Variants in GLP2R observed in about 807,000 individuals in gnomAD.
The protein encoded by GLP2R is glucagon like peptide 2 receptor.
GLP2R carries 59 observed loss-of-function variants against 68.2 expected under a neutral mutation model. That is an observed-to-expected ratio of 0.87 (90% CI 0.70 to 1.07). The LOEUF (loss-of-function observed/expected upper bound fraction) is 1.07. Ranked by LOEUF, GLP2R falls within the 50% of genes least tolerant of loss-of-function variation. GLP2R has a pLI of 0.00. For synonymous variants in GLP2R, 270 were observed against 265.4 expected (o/e 1.02, Z -0.17); for missense variants, 548 against 677.4 (o/e 0.81, Z 2.12).
rs1346393219 is a variant in GLP2R, at chr17:9,826,174, C to T, written c.111C>T (p.Leu37=). 6.2e-7 allele frequency: 1 copy of T among 1,613,366 alleles called. No individual in the cohort carries two copies. Among genetic ancestry groups the T allele is most frequent in the African/African-American group, 1.3e-5 (1 of 75,044 alleles). ...CTGCCCCCTGGGGGACCAGTCCTCTCTCCTTCCACAGGAAGTGCTCTCTCT... is the reference window on the plus strand; with the variant it reads ...CTGCCCCCTGGGGGACCAGTCCTCTTTCCTTCCACAGGAAGTGCTCTCTCT... The part of the protein sequence containing the change: ...GIPAPWGTSP[L]SFHRKCSLWA... The change falls in exon 1 of 13, where the codon CTC becomes CTT. Residue 37 remains leucine, a synonymous_variant. Transcript: ENST00000262441.
At chr17:9,844,836 G>T (rs1364612952) in intron 4 of GLP2R, among the ~76,000 whole-genome samples, 2 of 151,240 alleles carry the variant, frequency 1.3e-5, no homozygotes, top group Non-Finnish European at 2.9e-5. Context: ...GACTACAGGT[G>T]CGTGCCACCA....
In GLP2R at chr17:9,860,055, G is replaced by A; in HGVS notation, c.879G>A (p.Val293=). Residue 293 remains valine, a synonymous_variant, in exon 7 of 13, where the codon GTG becomes GTA. Transcript: ENST00000262441. ...TCCACACGCTGCTGGAGCCCACAGTGCTTCCTGAGAGGCGGCTGTGGCCCA... is the reference window on the plus strand; with the variant it reads ...TCCACACGCTGCTGGAGCCCACAGTACTTCCTGAGAGGCGGCTGTGGCCCA... ...LYLHTLLEPT[V]LPERRLWPRY... 1 of 1,612,954 alleles carries A rather than the reference G, an allele frequency of 6.2e-7. No individual in the cohort carries two copies. The highest frequency in any genetic ancestry group is 8.5e-7 in the Non-Finnish European group (1 of 1,179,472).
At chr17:9,851,764 TA>T (rs775014449) in intron 4 of GLP2R, among the ~76,000 whole-genome samples, 2 of 152,116 alleles carry the variant, frequency 1.3e-5, no homozygotes, top group Non-Finnish European at 2.9e-5. Flanking sequence ...ATAGTACATA[TA>T]AAGGTAAATT....
rs962118855 is a variant in GLP2R, at chr17:9,857,659, A to G, written c.765+83A>G. The G allele has an allele frequency of 3.0e-6, 4 of 1,330,692 alleles. No homozygotes were observed. In the East Asian group the frequency reaches 9.2e-5, roughly 31 times the overall value. The allele number at this position is 1,330,692 out of a possible 1,614,324, so 82.4% of individuals were successfully genotyped here. A position where few individuals can be genotyped will look rare whatever the true frequency, so the allele number is the denominator to read the frequency against. On this transcript the variant is annotated intron_variant, in intron 6 of 12. Coordinates refer to ENST00000262441, the MANE Select transcript of GLP2R (RefSeq NM_004246.3). ...AATCAGAAGGCAGGCAGGTGGGACT[A>G]GGGAGGGGCAGCGGGAGATAAGAGG...
intron 4 of GLP2R, among the ~76,000 whole-genome samples, chr17:9,845,850 G>GT (rs1433127867): frequency 6.6e-6 from 1 of 151,810 alleles, no homozygotes; most frequent in African/African-American, 2.4e-5. Flanking sequence ...ATTTCATATA[G>GT]TTTTTTATTC....
chr17:9,829,187 CCCACACTCGTTT>C lies in GLP2R; in HGVS notation c.189+2936_189+2947del, dbSNP rs567649916. Among the ~76,000 whole-genome samples the C allele has an allele frequency of 3.5e-3, 533 of 152,230 alleles. 5 individuals are homozygous for C. The highest frequency in any genetic ancestry group is 0.012 in the African/African-American group (498 of 41,536). On this transcript the variant is annotated intron_variant, in intron 1 of 12. Transcript: ENST00000262441. Reference sequence around the variant, plus strand: ...TAGTGTTATCCCCACACCACTCTCTCCCACACTCGTTTAAGTTATTTAGCAGTTGCTTTGGCA... The same window carrying C: ...TAGTGTTATCCCCACACCACTCTCTCAAGTTATTTAGCAGTTGCTTTGGCA...
At chr17:9,849,944 C>T (rs1251152144) in intron 4 of GLP2R, among the ~76,000 whole-genome samples, 3 of 152,138 alleles carry the variant, frequency 2.0e-5, no homozygotes, top group Admixed American at 2.0e-4. Context: ...AAAACTGCCA[C>T]AGTGAATAAT....
At chr17:9,887,468 A>G (rs1405693077) in intron 11 of GLP2R, among the ~76,000 whole-genome samples, 1 of 152,222 alleles carries the variant, frequency 6.6e-6, no homozygotes, top group Non-Finnish European at 1.5e-5. Context: ...CGGAGGTTGC[A>G]GTGAGCCGAG....
chr17:9,860,217 G>A (rs938808579), intron 7 of GLP2R, 116 bp downstream of exon 7: 3 of 955,426 alleles, frequency 3.1e-6, no homozygotes, highest in African/African-American at 3.3e-5. Context: ...GGACATATAA[G>A]TCCTCAAAGA....
chr17:9,854,751 G>T, intron 5 of GLP2R, 150 bp downstream of exon 5: 1 of 627,854 alleles, frequency 1.6e-6, no homozygotes. Context: ...CCAACCCTAT[G>T]TTTGGTTCTA....
rs567281503 is a variant in GLP2R at position 9,859,883 on chromosome 17, G to T, written c.766-59G>T. 13 of 833,276 alleles carry T rather than the reference G, an allele frequency of 1.6e-5. No homozygotes were observed. The South Asian group carries it at 2.6e-4, about 17-fold the overall frequency. The allele number at this position is 833,276 out of a possible 1,614,324, so 51.6% of individuals were successfully genotyped here. A position where few individuals can be genotyped will look rare whatever the true frequency, so the allele number is the denominator to read the frequency against. Reference sequence around the variant, plus strand: ...TGTCTCTGGGAGGCCCTTCTCCCCCGACTCGGGATCAGATGCAGGGGAGCC... The same window carrying T: ...TGTCTCTGGGAGGCCCTTCTCCCCCTACTCGGGATCAGATGCAGGGGAGCC... On this transcript the variant is annotated intron_variant, in intron 6 of 12. Transcript: ENST00000262441.
rs2067272822 is a variant in GLP2R at position 9,889,582 on chromosome 17, G to A, written c.1539G>A (p.Leu513=). 1 of 1,614,144 alleles carries A rather than the reference G, an allele frequency of 6.2e-7. No homozygotes were observed. The highest frequency in any genetic ancestry group is 1.7e-5 in the Admixed American group (1 of 60,032). The change falls in exon 13 of 13, where the codon CTG becomes CTA. Residue 513 remains leucine, a synonymous_variant. Transcript: ENST00000262441. The part of the protein sequence containing the change: ...LHLAMRGLGE[L]GAQPQQDHAR... ...TAGCCATGCGAGGTCTTGGGGAGCT[G>A]GGCGCCCAGCCCCAACAGGACCATG...
At chr17:9,826,389 G>A (rs2066630323) in intron 1 of GLP2R, 137 bp downstream of exon 1, 2 of 608,568 alleles carry the variant, frequency 3.3e-6, no homozygotes, top group Non-Finnish European at 5.4e-6. Context: ...CATAATCCTA[G>A]CATTCAAAGG....
At chr17:9,878,444 G>GA (rs1399824662) in intron 10 of GLP2R, among the ~76,000 whole-genome samples, 2 of 152,196 alleles carry the variant, frequency 1.3e-5, no homozygotes, top group Non-Finnish European at 2.9e-5. Flanking sequence ...AACACTCCTG[G>GA]AAATACAAAA....
chr17:9,832,647 C>G (rs2066691167), intron 1 of GLP2R, among the ~76,000 whole-genome samples: 2 of 152,156 alleles, frequency 1.3e-5, no homozygotes, highest in Non-Finnish European at 2.9e-5. Flanking sequence ...GCGAGGATCA[C>G]TTGAGCCTAG....
intron 4 of GLP2R, among the ~76,000 whole-genome samples, chr17:9,843,370 G>A (rs2066806621): frequency 6.6e-6 from 1 of 152,082 alleles, no homozygotes; most frequent in African/African-American, 2.4e-5. Flanking sequence ...TCATCTTCTT[G>A]GGCCTCTGCT....
At chr17:9,846,279 A>C (rs2066837590) in intron 4 of GLP2R, among the ~76,000 whole-genome samples, 1 of 152,176 alleles carries the variant, frequency 6.6e-6, no homozygotes, top group Non-Finnish European at 1.5e-5. Context: ...TATATGAGGG[A>C]TAGACCAAGG....
rs768409164 is a variant in GLP2R, at chr17:9,833,825, G to A, written c.208G>A (p.Glu70Lys). 4 of 1,612,506 alleles carry A rather than the reference G, an allele frequency of 2.5e-6. No individual in the cohort carries two copies. The highest frequency in any genetic ancestry group is 1.3e-5 in the African/African-American group (1 of 74,882). The part of the protein sequence containing the change: ...SIKQVTGSLL[E>K]ETTRKWAQYK... ...TGCTCAGGTTACAGGATCCCTCCTT[G>A]AGGAAACGACTCGGAAGTGGGCTCA... Residue 70 changes from glutamate to lysine, a missense_variant, in exon 2 of 13, where the codon GAG becomes AAG. By Grantham distance (56) the Glu-to-Lys change is moderately conservative. Coordinates refer to ENST00000262441, the MANE Select transcript of GLP2R (RefSeq NM_004246.3).
chr17:9,860,759 T>TA (rs1382185798), intron 7 of GLP2R, among the ~76,000 whole-genome samples: 2 of 152,114 alleles, frequency 1.3e-5, no homozygotes, highest in African/African-American at 4.8e-5. Flanking sequence ...GTTTTCTGAT[T>TA]AAAAAAATAT....
Sources: gnomAD v4.1 joint callset for allele counts (sites outside exome capture counted in the v4.1 genomes callset) on GRCh38, gnomAD v4.1.1 for gene constraint, MANE v1.5 for transcripts, NCBI Gene and HGNC (gene_info 2026-07-23, HGNC 2026-07-21) for gene names.